The following PDE10A variants were observed in gnomAD, a reference collection of about 807,000 sequenced individuals.
PDE10A encodes cAMP and cAMP-inhibited cGMP 3',5'-cyclic phosphodiesterase 10A.
A neutral mutation model predicts 97.7 loss-of-function variants in PDE10A; 39 were observed. The ratio of observed to expected loss-of-function variants is 0.40; its 90% CI spans 0.31 to 0.52. PDE10A has a LOEUF of 0.52. PDE10A is among the 20% of genes least tolerant of loss of function. PDE10A has a pLI of 0.56. For synonymous variants in PDE10A, 371 were observed against 376.8 expected, an observed-to-expected ratio of 0.98 and a Z score of 0.18; for missense variants, 731 against 1,047.8, an observed-to-expected ratio of 0.70 and a Z score of 4.17.
intron 1 of PDE10A, among the ~76,000 whole-genome samples, chr6:165,852,431 GA>G (rs1322098934): frequency 6.6e-6 from 1 of 152,200 alleles, no homozygotes; most frequent in East Asian, 1.9e-4. Context: ...TGCCTTCATT[GA>G]AGCCCAAAGT....
At chr6:165,338,573 A>G (rs1781782983) in intron 20 of PDE10A, among the ~76,000 whole-genome samples, 1 of 152,238 alleles carries the variant, frequency 6.6e-6, no homozygotes, top group South Asian at 2.1e-4. Flanking sequence ...ACAAAACATA[A>G]AATGTACTAA....
chr6:165,407,049 T>C (rs946288495), intron 13 of PDE10A, among the ~76,000 whole-genome samples: 2 of 152,122 alleles, frequency 1.3e-5, no homozygotes, highest in Non-Finnish European at 2.9e-5. Context: ...AGATGGCCTA[T>C]TGGGGGACTT....
intron 2 of PDE10A, among the ~76,000 whole-genome samples, chr6:165,499,082 T>G (rs979528206): frequency 1.3e-5 from 2 of 152,186 alleles, no homozygotes; most frequent in African/African-American, 4.8e-5. Context: ...ATTCTTAATG[T>G]CCACAGATAG....
At chr6:165,363,540 G>A (rs1373397385) in intron 18 of PDE10A, among the ~76,000 whole-genome samples, 1 of 151,412 alleles carries the variant, frequency 6.6e-6, no homozygotes, top group Non-Finnish European at 1.5e-5. Context: ...AAACAGAAAA[G>A]AAAAGAAAGA....
chr6:165,838,233 T>C (rs1780120075), intron 1 of PDE10A, among the ~76,000 whole-genome samples: 1 of 152,200 alleles, frequency 6.6e-6, no homozygotes, highest in African/African-American at 2.4e-5. Context: ...CACCATTTCC[T>C]GTAGTTACTG....
chr6:165,338,092 T>C (rs994716720), intron 20 of PDE10A, among the ~76,000 whole-genome samples: 1 of 152,156 alleles, frequency 6.6e-6, no homozygotes, highest in African/African-American at 2.4e-5. Flanking sequence ...AAAATACACC[T>C]GCAGTAAACA....
Position 165,437,653 on chromosome 6 carries a change from T to G in PDE10A, c.1195-2276A>C, listed in dbSNP as rs142455722. Among the ~76,000 whole-genome samples, 3 of 152,310 alleles carry G rather than the reference T, an allele frequency of 2.0e-5. No individual in the cohort carries two copies. In the East Asian group the frequency reaches 5.8e-4, roughly 29 times the overall value. ...TTCACATTAACCCAACAGAAATGTTTCCAATGAGAGCTGAGGATAAATGCT... is the reference window on the plus strand; with the variant it reads ...TTCACATTAACCCAACAGAAATGTTGCCAATGAGAGCTGAGGATAAATGCT... On this transcript the variant is annotated intron_variant, in intron 5 of 21. Transcript: ENST00000539869.
chr6:165,759,883 T>C (rs1348717569), intron 1 of PDE10A, among the ~76,000 whole-genome samples: 3 of 152,218 alleles, frequency 2.0e-5, no homozygotes, highest in African/African-American at 7.2e-5. Flanking sequence ...ATGTTTGAAG[T>C]GGGCTGAAGA....
intron 13 of PDE10A, among the ~76,000 whole-genome samples, chr6:165,407,433 T>C (rs187623808): frequency 6.6e-5 from 10 of 152,046 alleles, no homozygotes; most frequent in African/African-American, 1.9e-4. Flanking sequence ...CATGGTATTG[T>C]TGGGAGAACA....
At position 165,731,511 on chromosome 6, in the gene PDE10A, G is replaced by A. The variant is rs1384880286; in HGVS notation, c.-614-187943C>T. ...CGTTGGAGGAACGAGAGGTGCATCT[G>A]CGGCTGGAGCAGAATAGAAAGAGAA... On this transcript the variant is annotated intron_variant, in intron 1 of 19. Coordinates refer to the PDE10A transcript ENST00000366882. Among the ~76,000 whole-genome samples the A allele has an allele frequency of 4.6e-5, 7 of 152,214 alleles. No individual in the cohort carries two copies. In the South Asian group the frequency reaches 1.2e-3, roughly 27 times the overall value.
intron 1 of PDE10A, among the ~76,000 whole-genome samples, chr6:165,829,195 C>T (rs1280545783): frequency 2.0e-5 from 3 of 152,190 alleles, no homozygotes; most frequent in African/African-American, 4.8e-5. Context: ...CGCATCAGAG[C>T]CCTTGTGCAG....
At chr6:165,428,323 A>T (rs942481974) in intron 10 of PDE10A, among the ~76,000 whole-genome samples, 1 of 152,156 alleles carries the variant, frequency 6.6e-6, no homozygotes, top group Non-Finnish European at 1.5e-5. Context: ...AACTAAGTAG[A>T]ATGAACTTGA....
At position 165,428,596 on chromosome 6, in the gene PDE10A, A is replaced by C. The variant is rs1789331016; in HGVS notation, c.1653+62T>G. Reference sequence around the variant, plus strand: ...GATGAATAAGTTTAAATGTTATGCCATATATTAGCACCATGGGCCTAAGGG... The same window carrying C: ...GATGAATAAGTTTAAATGTTATGCCCTATATTAGCACCATGGGCCTAAGGG... On this transcript the variant is annotated intron_variant, in intron 10 of 21. Coordinates refer to ENST00000539869, the MANE Select transcript of PDE10A (RefSeq NM_001385079.1). 3 of 706,138 alleles carry C rather than the reference A, an allele frequency of 4.2e-6. No individual in the cohort carries two copies. In the Admixed American group the frequency reaches 7.9e-5, roughly 19 times the overall value. The allele number at this position is 706,138 out of a possible 1,614,324, so 43.7% of individuals were successfully genotyped here. A position where few individuals can be genotyped will look rare whatever the true frequency, so the allele number is the denominator to read the frequency against.
At chr6:165,932,078 A>T (rs549695681) in intron 1 of PDE10A, among the ~76,000 whole-genome samples, 22 of 152,266 alleles carry the variant, frequency 1.4e-4, no homozygotes, top group African/African-American at 4.8e-4. Flanking sequence ...TGCCGGTCCC[A>T]GGAAATGCAG....
At chr6:165,807,436 C>CCACAG (rs1384589730) in intron 1 of PDE10A, among the ~76,000 whole-genome samples, 1 of 152,154 alleles carries the variant, frequency 6.6e-6, no homozygotes, top group East Asian at 2.0e-4. Flanking sequence ...TCTGCCCCGC[C>CCACAG]CACAGCACAG....
intron 1 of PDE10A, among the ~76,000 whole-genome samples, chr6:165,860,766 T>C (rs1260299658): frequency 6.6e-6 from 1 of 152,192 alleles, no homozygotes; most frequent in Non-Finnish European, 1.5e-5. Flanking sequence ...GGCTCCCTAA[T>C]CAGGATGGGT....
At chr6:165,543,010 T>TC (rs1783543928) in intron 2 of PDE10A, among the ~76,000 whole-genome samples, 1 of 152,206 alleles carries the variant, frequency 6.6e-6, no homozygotes, top group Non-Finnish European at 1.5e-5. Context: ...TACAGTGCTT[T>TC]CCCAATATAA....
chr6:165,634,281 T>G (rs1240578987), intron 1 of PDE10A, among the ~76,000 whole-genome samples: 5 of 152,094 alleles, frequency 3.3e-5, no homozygotes, highest in African/African-American at 1.2e-4. Context: ...CGTCATGGGT[T>G]GTTGAGGAGT....
intron 1 of PDE10A, among the ~76,000 whole-genome samples, chr6:165,783,865 C>A (rs141657050): frequency 6.6e-6 from 1 of 152,078 alleles, no homozygotes; most frequent in African/African-American, 2.4e-5. Context: ...CCAGGAGTAA[C>A]CTAGGTTTGA....
Sources: allele counts gnomAD v4.1 joint callset (sites outside exome capture counted in the v4.1 genomes callset), GRCh38; gene constraint gnomAD v4.1.1; transcripts MANE v1.5; gene names NCBI Gene and HGNC (gene_info 2026-07-23, HGNC 2026-07-21).